Variants in NMBR observed in about 807,000 individuals in gnomAD.
NMBR encodes neuromedin-B receptor.
NMBR carries 16 observed loss-of-function variants against 20.5 expected under a neutral mutation model. The observed-to-expected ratio is 0.78, with a 90% confidence interval of 0.53 to 1.19. The LOEUF is 1.19. NMBR is among the 50% of genes most tolerant of loss of function. NMBR has a pLI of 0.00. For synonymous variants in NMBR, 212 were observed against 196.6 expected, an observed-to-expected ratio of 1.08 and a Z score of -0.65; for missense variants, 582 against 499.1, an observed-to-expected ratio of 1.17 and a Z score of -1.58.
chr6:142,075,704 C>T lies in NMBR; in HGVS notation c.1117G>A (p.Val373Met). The change falls in exon 4 of 4, where the codon GTG (valine) becomes ATG (methionine). Residue 373 changes from valine (V) to methionine (M), a missense_variant. Coordinates refer to ENST00000258042, the MANE Select transcript of NMBR (RefSeq NM_002511.4). ...TSLKSNAKNM[V>M]TNSVLLNGHS... Reference sequence around the variant, plus strand: ...CCATTTAGTAAAACAGAATTGGTCACCATGTTCTTAGCATTGCTTTTCAGA... The same window carrying T: ...CCATTTAGTAAAACAGAATTGGTCATCATGTTCTTAGCATTGCTTTTCAGA... 6.2e-7 allele frequency: 1 copy of T among 1,613,738 alleles called. No individual in the cohort carries two copies. Among genetic ancestry groups the T allele is most frequent in the Non-Finnish European group, 8.5e-7 (1 of 1,179,794 alleles).
At chr6:142,089,931 G>A (rs1156485867) in intron 1 of NMBR, among the ~76,000 whole-genome samples, 1 of 152,124 alleles carries the variant, frequency 6.6e-6, no homozygotes, top group Non-Finnish European at 1.5e-5. Flanking sequence ...AGCTTTACTG[G>A]AAACTGACAA....
At chr6:142,128,307 AC>A (rs1778074892) in intron 1 of NMBR, among the ~76,000 whole-genome samples, 1 of 152,036 alleles carries the variant, frequency 6.6e-6, no homozygotes, top group Non-Finnish European at 1.5e-5. Flanking sequence ...TTTATAAATT[AC>A]CCAGTCTCCA....
intron 1 of NMBR, chr6:142,134,699 G>C: frequency 1.4e-6 from 1 of 694,360 alleles, no homozygotes; most frequent in Non-Finnish European, 2.6e-6. Context: ...ATAGCATTCT[G>C]GCTTCAGATT....
chr6:142,141,263 A>G (rs1778356989), intron 1 of NMBR, among the ~76,000 whole-genome samples: 1 of 152,194 alleles, frequency 6.6e-6, no homozygotes, highest in Admixed American at 6.5e-5. Context: ...TAAAATTAAG[A>G]TATCAGGGAT....
Position 142,102,170 on chromosome 6 carries a change from C to T in NMBR, c.-663-12849G>A, listed in dbSNP as rs141342337. ...TTGGGAGGCTGAGGCAGGCGGATCA[C>T]GAGGTCAGAAGATCAAGACCATCCT... On this transcript the variant is annotated intron_variant, in intron 1 of 3. Transcript: ENST00000258042. 3.8e-3 allele frequency among the ~76,000 whole-genome samples: 583 copies of T among 151,978 alleles called. 5 individuals are homozygous for T. Among genetic ancestry groups the T allele is most frequent in the African/African-American group, 0.013 (550 of 41,482 alleles).
chr6:142,120,479 C>A (rs1361890922), intron 1 of NMBR, among the ~76,000 whole-genome samples: 1 of 151,908 alleles, frequency 6.6e-6, no homozygotes. Flanking sequence ...ACAGGGAGAA[C>A]TTCAGAGATC....
At chr6:142,096,931 C>T (rs1777465846) in intron 1 of NMBR, among the ~76,000 whole-genome samples, 1 of 151,832 alleles carries the variant, frequency 6.6e-6, no homozygotes, top group Non-Finnish European at 1.5e-5. Flanking sequence ...ATGTAATGGC[C>T]TTCTTTGTCT....
rs1431224676 is a variant in NMBR, at chr6:142,075,599, T to A, written c.*49A>T. The A allele has an allele frequency of 1.3e-6, 2 of 1,515,740 alleles. No homozygotes were observed. The highest frequency in any genetic ancestry group is 1.8e-6 in the Non-Finnish European group (2 of 1,126,886). The allele number at this position is 1,515,740 out of a possible 1,614,324, so 93.9% of individuals were successfully genotyped here. On this transcript the variant is annotated 3_prime_UTR_variant, in exon 4 of 4. Coordinates refer to ENST00000258042, the MANE Select transcript of NMBR (RefSeq NM_002511.4). ...CAAGTTCTGATCTGCCGAATAGGAATTTTAACAGTTACTAAGTTCTCTCCA... is the reference window on the plus strand; with the variant it reads ...CAAGTTCTGATCTGCCGAATAGGAAATTTAACAGTTACTAAGTTCTCTCCA...
At chr6:142,105,980 TTATC>T (rs1175456838) in intron 1 of NMBR, among the ~76,000 whole-genome samples, 3 of 152,186 alleles carry the variant, frequency 2.0e-5, no homozygotes, top group African/African-American at 7.2e-5. Context: ...CATTTTATGA[TTATC>T]TATTACTTAA....
chr6:142,100,738 T>C lies in NMBR; in HGVS notation c.-663-11417A>G, dbSNP rs371703649. 1.6e-4 allele frequency among the ~76,000 whole-genome samples: 25 copies of C among 152,324 alleles called. No homozygotes were observed. In the South Asian group the frequency reaches 3.7e-3, roughly 23 times the overall value. ...GTCTCAATATAGGTTCAAATAATTG[T>C]AACAAATGTGCCACTTTGATGAGGA... On this transcript the variant is annotated intron_variant, in intron 1 of 3. Transcript: ENST00000258042.
intron 2 of NMBR, 87 bp from the exon 3 acceptor site, chr6:142,078,990 A>C: frequency 3.3e-6 from 3 of 902,138 alleles, no homozygotes; most frequent in Non-Finnish European, 3.3e-6. Flanking sequence ...GAAAGGAAGA[A>C]AGGGAGAGAG....
At chr6:142,088,146 C>T in intron 2 of NMBR, 91 bp downstream of exon 2, 1 of 1,311,694 alleles carries the variant, frequency 7.6e-7, no homozygotes, top group Non-Finnish European at 1.1e-6. Flanking sequence ...TCCTTGCGTC[C>T]TTCTGCCAGT....
intron 1 of NMBR, among the ~76,000 whole-genome samples, chr6:142,092,068 G>A (rs989341781): frequency 1.3e-5 from 2 of 152,080 alleles, no homozygotes; most frequent in Non-Finnish European, 2.9e-5. Context: ...ACAAAGGCAA[G>A]TATACTCGCT....
chr6:142,092,109 G>A (rs2114570715), intron 1 of NMBR, among the ~76,000 whole-genome samples: 1 of 152,182 alleles, frequency 6.6e-6, no homozygotes. Context: ...CACTGGAGGA[G>A]ATTCCAAGCA....
At chr6:142,136,096 G>C (rs1159527915) in intron 1 of NMBR, among the ~76,000 whole-genome samples, 1 of 152,206 alleles carries the variant, frequency 6.6e-6, no homozygotes, top group Non-Finnish European at 1.5e-5. Flanking sequence ...GGTTGAACTA[G>C]TTTACAGTCC....
At chr6:142,103,302 T>C (rs975618600) in intron 1 of NMBR, among the ~76,000 whole-genome samples, 4 of 152,190 alleles carry the variant, frequency 2.6e-5, no homozygotes, top group African/African-American at 9.7e-5. Context: ...ACAGCCCTTT[T>C]GTATGTTAAA....
At chr6:142,108,895 C>A (rs533300340) in intron 1 of NMBR, among the ~76,000 whole-genome samples, 26 of 152,254 alleles carry the variant, frequency 1.7e-4, no homozygotes, top group African/African-American at 6.3e-4. Context: ...CTCCTATGAA[C>A]CTGTAAAATC....
In NMBR at chr6:142,124,463, C is replaced by A. The variant is rs543807114; in HGVS notation, c.-664+22581G>T. On this transcript the variant is annotated intron_variant, in intron 1 of 3. Transcript: ENST00000258042. ...CACAACTTATCTAGTAGATAAGAAT[C>A]ATTTTCTCCATTTTACAGATGGAAG... is the stretch of plus-strand genomic sequence containing the variant. Among the ~76,000 whole-genome samples, 4 of 151,928 alleles carry A rather than the reference C, an allele frequency of 2.6e-5. No homozygotes were observed. The South Asian group carries it at 6.2e-4, about 24-fold the overall frequency.
rs184364318 is a variant in NMBR, at chr6:142,136,067, C to A, written c.-664+10977G>T. 2.9e-4 allele frequency among the ~76,000 whole-genome samples: 44 copies of A among 152,314 alleles called. No individual in the cohort carries two copies. The East Asian group carries it at 4.8e-3, about 17-fold the overall frequency. On this transcript the variant is annotated intron_variant, in intron 1 of 3. Transcript: ENST00000258042. Reference sequence around the variant, plus strand: ...CTAGTTCTAGGTCCCTGAGGAATCGCCACACTGACTTCCACAAGGGTTGAA... The same window carrying A: ...CTAGTTCTAGGTCCCTGAGGAATCGACACACTGACTTCCACAAGGGTTGAA...
Sources: allele counts gnomAD v4.1 joint callset (sites outside exome capture counted in the v4.1 genomes callset), GRCh38; gene constraint gnomAD v4.1.1; transcripts MANE v1.5; gene names NCBI Gene and HGNC (gene_info 2026-07-23, HGNC 2026-07-21).